The following STXBP4 variants were observed in gnomAD, a reference collection of about 807,000 sequenced individuals.
STXBP4 encodes syntaxin-binding protein 4.
Under a neutral mutation model 76.1 loss-of-function variants are expected in STXBP4, and 55 were observed. The ratio of observed to expected loss-of-function variants is 0.72; its 90% CI spans 0.58 to 0.91. The LOEUF is 0.91. Among genes scored for constraint, STXBP4 ranks in the 40% least tolerant of loss-of-function variants. The pLI is 0.00. For synonymous variants in STXBP4, 201 were observed against 220.2 expected, an observed-to-expected ratio of 0.91 and a Z score of 0.77; for missense variants, 618 against 636.9, an observed-to-expected ratio of 0.97 and a Z score of 0.32.
intron 16 of STXBP4, among the ~76,000 whole-genome samples, chr17:55,126,505 GGGT>G (rs1301059264): frequency 3.9e-4 from 59 of 152,302 alleles, no homozygotes; most frequent in African/African-American, 1.4e-3. Flanking sequence ...GATATTTCTG[GGGT>G]GGTGGTAATA....
intron 8 of STXBP4, among the ~76,000 whole-genome samples, chr17:55,018,828 A>G (rs1171830287): frequency 6.6e-6 from 1 of 152,216 alleles, no homozygotes; most frequent in Admixed American, 6.5e-5. Flanking sequence ...GCAGAAACAA[A>G]TCACAATGGT....
At chr17:55,070,503 A>G (rs1370853067) in intron 12 of STXBP4, among the ~76,000 whole-genome samples, 1 of 152,218 alleles carries the variant, frequency 6.6e-6, no homozygotes, top group African/African-American at 2.4e-5. Context: ...ACTTTTAGAT[A>G]CAAGGAAATA....
intron 15 of STXBP4, 60 bp downstream of exon 15, chr17:55,078,795 C>A (rs1290279399): frequency 1.1e-6 from 1 of 923,402 alleles, no homozygotes; most frequent in South Asian, 1.4e-5. Context: ...TTCATCTGGT[C>A]ATTGTGACTC....
intron 8 of STXBP4, among the ~76,000 whole-genome samples, chr17:55,023,046 A>G (rs1338918371): frequency 6.6e-6 from 1 of 152,184 alleles, no homozygotes; most frequent in African/African-American, 2.4e-5. Context: ...GCCTAGTAAC[A>G]ACTAAATGGC....
At chr17:55,020,345 T>C (rs577357565) in intron 8 of STXBP4, among the ~76,000 whole-genome samples, 7 of 152,364 alleles carry the variant, frequency 4.6e-5, no homozygotes, top group Non-Finnish European at 7.3e-5. Context: ...TGTTATAATA[T>C]ATTTTTCCTA....
At chr17:55,176,344 C>T (rs1048213447), downstream of STXBP4, among the ~76,000 whole-genome samples, 2 of 152,020 alleles carry the variant, frequency 1.3e-5, no homozygotes, top group African/African-American at 2.4e-5. Context: ...TAGATATTGA[C>T]GAGGCATGTG....
intron 16 of STXBP4, among the ~76,000 whole-genome samples, chr17:55,091,243 C>T (rs1226007637): frequency 6.6e-6 from 1 of 151,956 alleles, no homozygotes. Context: ...CTTGGGAATC[C>T]GTTTTGCAGT....
chr17:55,014,436 C>T (rs2078169091), intron 8 of STXBP4, among the ~76,000 whole-genome samples: 1 of 152,100 alleles, frequency 6.6e-6, no homozygotes, highest in Non-Finnish European at 1.5e-5. Context: ...TCCCTAGTTA[C>T]AACTTAGTGG....
At chr17:55,009,830 G>A (rs2078075097) in intron 8 of STXBP4, among the ~76,000 whole-genome samples, 1 of 151,560 alleles carries the variant, frequency 6.6e-6, no homozygotes, top group Middle Eastern at 3.2e-3. Context: ...TACTCTTCTT[G>A]TTTTGCATTA....
the STXBP4 span, among the ~76,000 whole-genome samples, chr17:55,196,555 C>A: frequency 6.6e-6 from 1 of 152,108 alleles, no homozygotes; most frequent in African/African-American, 2.4e-5. Context: ...ATCACGTATT[C>A]TTCTGTGATC....
At chr17:54,983,904 C>G (rs887728638) in intron 1 of STXBP4, among the ~76,000 whole-genome samples, 24 of 152,090 alleles carry the variant, frequency 1.6e-4, no homozygotes, top group African/African-American at 5.8e-4. Flanking sequence ...AGTCAAAGCC[C>G]AAGGATTTTA....
intron 2 of STXBP4, among the ~76,000 whole-genome samples, chr17:54,985,899 G>A (rs2077619573): frequency 6.6e-6 from 1 of 152,026 alleles, no homozygotes; most frequent in African/African-American, 2.4e-5. Context: ...ATGTTATATA[G>A]ATATGGATAT....
the STXBP4 span, among the ~76,000 whole-genome samples, chr17:55,204,665 C>T: frequency 2.0e-5 from 3 of 152,038 alleles, no homozygotes; most frequent in Non-Finnish European, 4.4e-5. Flanking sequence ...CAATGTCTCT[C>T]CTATATGAAT....
intron 16 of STXBP4, among the ~76,000 whole-genome samples, chr17:55,131,068 A>G (rs1474270826): frequency 6.6e-6 from 1 of 152,160 alleles, no homozygotes; most frequent in Admixed American, 6.5e-5. Context: ...TAGTAATTTT[A>G]GTTTTAGTTT....
intron 8 of STXBP4, among the ~76,000 whole-genome samples, chr17:55,024,455 C>T (rs1469567971): frequency 6.6e-6 from 1 of 152,214 alleles, no homozygotes; most frequent in Non-Finnish European, 1.5e-5. Flanking sequence ...TCTGCTATAG[C>T]AGGCAGCAAA....
chr17:55,111,545 T>C (rs2145057080), intron 16 of STXBP4, among the ~76,000 whole-genome samples: 2 of 152,276 alleles, frequency 1.3e-5, no homozygotes, highest in East Asian at 3.9e-4. Context: ...ATCCCGTTGG[T>C]GCTGTCCTCA....
rs900649654 is a variant in STXBP4 at position 55,168,268 on chromosome 17, G to A, written c.*8357G>A. On this transcript the variant is annotated 3_prime_UTR_variant, in exon 18 of 18. Coordinates refer to ENST00000376352, the MANE Select transcript of STXBP4 (RefSeq NM_178509.6). ...ACACCACACACACACACACACACAC[G>A]TATTGGAGGAATAAGAAATATTTAA... is the stretch of plus-strand genomic sequence containing the variant. 1 of 142,546 alleles carries A rather than the reference G, an allele frequency of 7.0e-6. No homozygotes were observed. The highest frequency in any genetic ancestry group is 2.6e-5 in the African/African-American group (1 of 38,178). 8.8% of individuals were successfully genotyped at this position (142,546 alleles called of 1,614,324 possible).
At chr17:55,101,459 C>T (rs2079564827) in intron 16 of STXBP4, among the ~76,000 whole-genome samples, 1 of 152,170 alleles carries the variant, frequency 6.6e-6, no homozygotes, top group Admixed American at 6.5e-5. Flanking sequence ...TATGAATCTT[C>T]CTGAGAGAAA....
chr17:55,058,869 TTTTA>T (rs1254019044), intron 12 of STXBP4, among the ~76,000 whole-genome samples: 54 of 152,098 alleles, frequency 3.6e-4, no homozygotes, highest in African/African-American at 1.2e-3. Flanking sequence ...TGGTGACTAA[TTTTA>T]TTTATTTATT....
Sources: allele counts gnomAD v4.1 joint callset (sites outside exome capture counted in the v4.1 genomes callset), GRCh38; gene constraint gnomAD v4.1.1; transcripts MANE v1.5; gene names NCBI Gene and HGNC (gene_info 2026-07-23, HGNC 2026-07-21).